The following MYO19 variants were observed in gnomAD, a reference collection of about 807,000 sequenced individuals.
MYO19 encodes the protein unconventional myosin-XIX.
In MYO19, 132 loss-of-function variants were observed where a neutral mutation model predicts 129.2. The observed-to-expected ratio is 1.02, with a 90% CI of 0.89 to 1.18. MYO19 has a LOEUF of 1.18. MYO19 is among the 50% of genes most tolerant of loss of function. The pLI is 0.00. For synonymous variants in MYO19, 531 were observed against 477.2 expected (o/e 1.11, Z -1.47); for missense variants, 1,210 against 1,216.7 (o/e 0.99, Z 0.08).
Position 36,496,016 on chromosome 17 carries a change from C to G in MYO19, c.*235G>C, listed in dbSNP as rs1458612893. The stretch of plus-strand genomic sequence containing the variant: ...GTAGTGAAATGTGGCCCTGATGTTT[C>G]TTAACCCTGATTTGGTAACTACCAG... On this transcript the variant is annotated 3_prime_UTR_variant, in exon 26 of 26. Transcript: ENST00000614623. 6 of 794,414 alleles carry G rather than the reference C, an allele frequency of 7.6e-6. No individual in the cohort carries two copies. The highest frequency in any genetic ancestry group is 6.9e-5 in the African/African-American group (4 of 57,802). The allele number at this position is 794,414 out of a possible 1,614,324, so 49.2% of individuals were successfully genotyped here.
chr17:36,511,076 A>G (rs8070260), intron 12 of MYO19, 159 bp from the exon 13 acceptor site: 431,006 of 825,632 alleles, frequency 0.52, 114,683 homozygotes, highest in East Asian at 0.63. Flanking sequence ...CTCCATAAAC[A>G]GCAGTCAGAA....
chr17:36,527,803 A>G, intron 4 of MYO19, 104 bp from the exon 5 acceptor site: 1 of 1,277,874 alleles, frequency 7.8e-7, no homozygotes, highest in Non-Finnish European at 1.1e-6. Context: ...CAATTAGCCA[A>G]GAATCATTAA....
chr17:36,502,348 G>A (rs948367254), intron 21 of MYO19, among the ~76,000 whole-genome samples: 15 of 152,110 alleles, frequency 9.9e-5, no homozygotes, highest in African/African-American at 3.4e-4. Flanking sequence ...ACCCATGCCC[G>A]GGCTCTTCAG....
intron 15 of MYO19, 34 bp downstream of exon 15, chr17:36,507,769 G>A (rs1177508682): frequency 1.3e-6 from 2 of 1,559,804 alleles, no homozygotes; most frequent in Admixed American, 3.8e-5. Context: ...GGATCCAAAA[G>A]AAGGACCTGC....
In MYO19 at chr17:36,505,402, G is replaced by A; in HGVS notation, c.1800C>T (p.Ala600=). The change falls in exon 19 of 26, where the codon GCC becomes GCT. Residue 600 remains alanine (A), a splice_region_variant and synonymous_variant. Transcript: ENST00000614623. ...GGACCTGCAGAAGCTGCTCCAGTGA[G>A]GCCTGCAGATGAGAGACCATGGGGT... The part of the protein sequence containing the change: ...PVLTVVSKFK[A]SLEQLLQVLH... The A allele has an allele frequency of 1.2e-6, 2 of 1,613,734 alleles. No individual in the cohort carries two copies. The highest frequency in any genetic ancestry group is 1.7e-6 in the Non-Finnish European group (2 of 1,179,682).
chr17:36,499,049 A>T (rs1296107436), intron 24 of MYO19, 26 bp downstream of exon 24: 1 of 1,575,178 alleles, frequency 6.3e-7, no homozygotes, highest in Non-Finnish European at 8.7e-7. Context: ...TCCACTGCCC[A>T]CCCCGACTTC....
At position 36,528,178 on chromosome 17, in the gene MYO19, C is replaced by G. The variant is rs1443240753; in HGVS notation, c.37G>C (p.Asp13His). ...CTGAGGTACTCCCTGGCTTGGCCATCAGACCCCGGATTGTGGCCATTGACC... is the reference window on the plus strand; with the variant it reads ...CTGAGGTACTCCCTGGCTTGGCCATGAGACCCCGGATTGTGGCCATTGACC... ...QQVNGHNPGS[D>H]GQAREYLRED... The change falls in exon 4 of 26, where the codon GAT (aspartate) becomes CAT (histidine). Residue 13 changes from aspartate (D) to histidine (H), a missense_variant. Coordinates refer to ENST00000614623, the MANE Select transcript of MYO19 (RefSeq NM_001163735.2). 6.3e-7 allele frequency: 1 copy of G among 1,596,474 alleles called. No homozygotes were observed. Among genetic ancestry groups the G allele is most frequent in the Non-Finnish European group, 8.5e-7 (1 of 1,171,004 alleles).
intron 21 of MYO19, chr17:36,502,031 G>GA (rs1220678691): frequency 6.5e-6 from 1 of 153,120 alleles, no homozygotes; most frequent in Non-Finnish European, 1.5e-5. Flanking sequence ...AGGGTGAAAG[G>GA]AAAGTGAAAA....
intron 2 of MYO19, among the ~76,000 whole-genome samples, chr17:36,540,791 C>T (rs1261617998): frequency 1.3e-5 from 2 of 152,166 alleles, no homozygotes; most frequent in Non-Finnish European, 2.9e-5. Flanking sequence ...ATTCTGTGGC[C>T]ATAGATTGTC....
chr17:36,512,592 G>A lies in MYO19; in HGVS notation c.894+837C>T, dbSNP rs941722049. On this transcript the variant is annotated intron_variant, in intron 11 of 25. Coordinates refer to ENST00000614623, the MANE Select transcript of MYO19 (RefSeq NM_001163735.2). ...CCCACCCCCAAAGCACTCCTGCCCCGACTCCCAGTGTTGTCCACTTATCCT... is the reference window on the plus strand; with the variant it reads ...CCCACCCCCAAAGCACTCCTGCCCCAACTCCCAGTGTTGTCCACTTATCCT... 3.2e-5 allele frequency: 41 copies of A among 1,267,882 alleles called. 1 individual carries two copies. Among genetic ancestry groups the A allele is most frequent in the Middle Eastern group, 2.2e-4 (1 of 4,526 alleles). 78.5% of individuals were successfully genotyped at this position (1,267,882 alleles called of 1,614,324 possible). A position where few individuals can be genotyped will look rare whatever the true frequency, so the allele number is the denominator to read the frequency against.
At chr17:36,535,059 G>A (rs1313167568), upstream of MYO19, 1 of 152,326 alleles carries the variant, frequency 6.6e-6, no homozygotes, top group East Asian at 1.9e-4. Flanking sequence ...ACTACGGTGA[G>A]ATGTTTTGCG....
chr17:36,542,422 G>A (rs1023939516), intron 1 of MYO19, among the ~76,000 whole-genome samples: 3 of 152,132 alleles, frequency 2.0e-5, no homozygotes, highest in Non-Finnish European at 4.4e-5. Flanking sequence ...GGTTTAGGCT[G>A]GGCACGTTGG....
At chr17:36,531,247 T>C (rs557282136) in intron 3 of MYO19, among the ~76,000 whole-genome samples, 2 of 151,602 alleles carry the variant, frequency 1.3e-5, no homozygotes, top group South Asian at 2.1e-4. Context: ...TACAAAAAAT[T>C]AGCCAGGCGT....
rs1555574523 is a variant in MYO19, at chr17:36,510,737, A to T, written c.1157+9T>A. 2 of 1,588,388 alleles carry T rather than the reference A, an allele frequency of 1.3e-6. No individual in the cohort carries two copies. Among genetic ancestry groups the T allele is most frequent in the East Asian group, 4.6e-5 (2 of 43,916 alleles). On this transcript the variant is annotated intron_variant, in intron 13 of 25. Transcript: ENST00000614623. ...TCCTCCCCAACAAGGGGCCAGAGTA[A>T]CTGCTCACCGCGCATAGATCAGTTT... is the stretch of plus-strand genomic sequence containing the variant.
chr17:36,511,069 C>A, intron 12 of MYO19, 152 bp from the exon 13 acceptor site: 1 of 904,074 alleles, frequency 1.1e-6, no homozygotes, highest in Non-Finnish European at 1.6e-6. Context: ...CAAAGGACTC[C>A]ATAAACAGCA....
chr17:36,538,763 T>A (rs545163901), upstream of MYO19: 44 of 734,986 alleles, frequency 6.0e-5, no homozygotes, highest in East Asian at 8.5e-4. Flanking sequence ...CTTAATTATT[T>A]TTTTTTTTGA....
Position 36,509,300 on chromosome 17 carries a change from T to C in MYO19, c.1158-165A>G, listed in dbSNP as rs2072152142. Reference sequence around the variant, plus strand: ...CCTCTTGCTTCCGGCCTATCACGTCTTGACCTACTACAGATGCAGGCTATG... The same window carrying C: ...CCTCTTGCTTCCGGCCTATCACGTCCTGACCTACTACAGATGCAGGCTATG... On this transcript the variant is annotated intron_variant, in intron 13 of 25. Transcript: ENST00000614623. 3 of 644,044 alleles carry C rather than the reference T, an allele frequency of 4.7e-6. No homozygotes were observed. In the South Asian group the frequency reaches 5.4e-5, roughly 12 times the overall value. The allele number at this position is 644,044 out of a possible 1,614,324, so 39.9% of individuals were successfully genotyped here.
At chr17:36,497,061 G>A (rs2071043225) in intron 25 of MYO19, among the ~76,000 whole-genome samples, 1 of 152,034 alleles carries the variant, frequency 6.6e-6, no homozygotes, top group Non-Finnish European at 1.5e-5. Context: ...TGGGCACGGT[G>A]GCTCACACCT....
At chr17:36,513,754 G>C in intron 9 of MYO19, 29 bp from the exon 10 acceptor site, 1 of 1,600,068 alleles carries the variant, frequency 6.2e-7, no homozygotes, top group Non-Finnish European at 8.5e-7. Flanking sequence ...GGGAGGCTGG[G>C]TAGGGGGTCT....
Sources: gnomAD v4.1 joint callset for allele counts (sites outside exome capture counted in the v4.1 genomes callset) on GRCh38, gnomAD v4.1.1 for gene constraint, MANE v1.5 for transcripts, NCBI Gene and HGNC (gene_info 2026-07-23, HGNC 2026-07-21) for gene names.